The following SEPTIN8 variants were observed in gnomAD, a reference collection of about 807,000 sequenced individuals.
The protein encoded by SEPTIN8 is septin 8.
SEPTIN8 carries 22 observed loss-of-function variants against 53.1 expected under a neutral mutation model. That is an observed-to-expected ratio of 0.41 (90% confidence interval 0.30 to 0.59). SEPTIN8 has a LOEUF of 0.59. Ranked by LOEUF, SEPTIN8 falls within the 20% of genes least tolerant of loss-of-function variation. The pLI is 0.24. For synonymous variants in SEPTIN8, 228 were observed against 248.4 expected, an observed-to-expected ratio of 0.92 and a Z score of 0.77; for missense variants, 536 against 638.7, an observed-to-expected ratio of 0.84 and a Z score of 1.73.
chr5:132,776,940 C>G lies in SEPTIN8; in HGVS notation c.30+168G>C, dbSNP rs866893746. Among the ~76,000 whole-genome samples the G allele has an allele frequency of 6.6e-6, 1 of 152,080 alleles. No homozygotes were observed. The highest frequency in any genetic ancestry group is 1.5e-5 in the Non-Finnish European group (1 of 67,982). On this transcript the variant is annotated intron_variant, in intron 1 of 9. Transcript: ENST00000378719. This position sits in a 1 kb window ranked among gnomAD's most constrained non-coding sequence, Gnocchi z 4.4. Reference sequence around the variant, plus strand: ...GGCAGGCCGCCCGACGCTCCGGGACCCCCCGATAGCGCGGCCGAGAGCCCG... The same window carrying G: ...GGCAGGCCGCCCGACGCTCCGGGACGCCCCGATAGCGCGGCCGAGAGCCCG...
intron 4 of SEPTIN8, 127 bp downstream of exon 4, chr5:132,763,579 T>C (rs890734375): frequency 2.4e-6 from 2 of 816,358 alleles, no homozygotes; most frequent in Non-Finnish European, 4.0e-6. Context: ...ACCGAGCCAA[T>C]GGGGGGCCAC....
In SEPTIN8 at chr5:132,758,337, A is replaced by C. The variant is rs570064454; in HGVS notation, c.1286+2465T>G. ...TATTTAGAAGTGTTTTAAAGTTATTAAAATTAAGCTGTAGGTTAGAAAAAT... is the reference window on the plus strand; with the variant it reads ...TATTTAGAAGTGTTTTAAAGTTATTCAAATTAAGCTGTAGGTTAGAAAAAT... On this transcript the variant is annotated intron_variant, in intron 9 of 9. Transcript: ENST00000378719. 2.3e-5 allele frequency: 32 copies of C among 1,392,108 alleles called. No individual in the cohort carries two copies. The South Asian group carries it at 5.9e-4, about 26-fold the overall frequency. 86.2% of individuals were successfully genotyped at this position (1,392,108 alleles called of 1,614,324 possible). A position where few individuals can be genotyped will look rare whatever the true frequency, so the allele number is the denominator to read the frequency against.
In SEPTIN8 at chr5:132,758,706, G is replaced by A. The variant is rs1019272806; in HGVS notation, c.1286+2096C>T. 56 of 1,606,322 alleles carry A rather than the reference G, an allele frequency of 3.5e-5. No individual in the cohort carries two copies. In the East Asian group the frequency reaches 6.5e-4, roughly 19 times the overall value. ...GGCTGTAAACACTGGAGTCTGTACC[G>A]GCTCCCAGTCCGTCCTCACACCATG... On this transcript the variant is annotated intron_variant, in intron 9 of 9. Transcript: ENST00000378719.
At chr5:132,772,960 T>C (rs992790095) in intron 1 of SEPTIN8, among the ~76,000 whole-genome samples, 1 of 152,146 alleles carries the variant, frequency 6.6e-6, no homozygotes. Flanking sequence ...CCCTCTAATC[T>C]GACCTCTAGG....
Position 132,758,589 on chromosome 5 carries a change from C to T in SEPTIN8, c.1286+2213G>A, listed in dbSNP as rs761025294. ...AAATAAACCTCGTCAGTTTTGGATT[C>T]CAGCATTCATGGCTTTTACGTGTTT... On this transcript the variant is annotated intron_variant, in intron 9 of 9. Transcript: ENST00000378719. 1.2e-5 allele frequency: 19 copies of T among 1,608,802 alleles called. No homozygotes were observed. In the East Asian group the frequency reaches 1.8e-4, roughly 15 times the overall value.
At chr5:132,753,186 G>GA in intron 9 of SEPTIN8, 1 of 542,890 alleles carries the variant, frequency 1.8e-6, no homozygotes, top group South Asian at 2.7e-5. Flanking sequence ...TGGTCTGATA[G>GA]ACTATGACCC....
In SEPTIN8 at chr5:132,764,333, A is replaced by G. The variant is rs777214735; in HGVS notation, c.238T>C (p.Cys80Arg). 1.2e-6 allele frequency: 2 copies of G among 1,614,008 alleles called. No homozygotes were observed. The highest frequency in any genetic ancestry group is 1.7e-6 in the Non-Finnish European group (2 of 1,179,990). The change falls in exon 3 of 10, where the codon TGC becomes CGC. Residue 80 changes from cysteine to arginine, a missense_variant. Cys to Arg is a radical substitution (Grantham distance 180, BLOSUM62 -3). Transcript: ENST00000378719. ...TAGGTCTGGGGCCGCAGGCGCACGC[A>G]TGCCTCATGGTGACTGGCTTCCTCA... ...ETEEASHHEA[C>R]VRLRPQTYDL...
chr5:132,761,114 C>A lies in SEPTIN8; in HGVS notation c.1095+19G>T. 1 of 1,613,880 alleles carries A rather than the reference C, an allele frequency of 6.2e-7. No individual in the cohort carries two copies. Among genetic ancestry groups the A allele is most frequent in the Non-Finnish European group, 8.5e-7 (1 of 1,179,840 alleles). ...CCCTCCCTCAGCTTCCCCATCCCAG[C>A]CCCCAGCCTGGCACATACCTCCCTT... On this transcript the variant is annotated intron_variant, in intron 8 of 9. Coordinates refer to ENST00000378719, the MANE Select transcript of SEPTIN8 (RefSeq NM_001098811.2). This position sits in a 1 kb window ranked among gnomAD's most constrained non-coding sequence, Gnocchi z 5.8.
chr5:132,767,819 C>T (rs1395016689), intron 1 of SEPTIN8, among the ~76,000 whole-genome samples: 4 of 152,068 alleles, frequency 2.6e-5, no homozygotes, highest in Non-Finnish European at 5.9e-5. Context: ...TTAAGGCGTG[C>T]TGTGCTTGCA....
At chr5:132,777,276 G>A, upstream of SEPTIN8, 1 of 1,099,742 alleles carries the variant, frequency 9.1e-7, no homozygotes, top group Non-Finnish European at 1.1e-6. This position sits in a 1 kb window ranked among gnomAD's most constrained non-coding sequence, Gnocchi z 4.1. Flanking sequence ...ACTCCCCTTG[G>A]CGGCGGCGGC....
At chr5:132,763,928 T>C in intron 3 of SEPTIN8, 36 bp from the exon 4 acceptor site, 1 of 1,524,970 alleles carries the variant, frequency 6.6e-7, no homozygotes, top group Non-Finnish European at 8.8e-7. Flanking sequence ...GGCTGCCAGC[T>C]GAGATCAGGG....
intron 9 of SEPTIN8, among the ~76,000 whole-genome samples, chr5:132,755,137 G>C (rs922924769): frequency 6.6e-6 from 1 of 152,136 alleles, no homozygotes; most frequent in East Asian, 1.9e-4. Flanking sequence ...AAGTAGAGCT[G>C]AGCTATGCCT....
intron 1 of SEPTIN8, among the ~76,000 whole-genome samples, chr5:132,768,745 A>T (rs1756887289): frequency 6.6e-6 from 1 of 152,174 alleles, no homozygotes. Flanking sequence ...AGCCTTTATG[A>T]CCATCTTGAG....
chr5:132,751,867 A>G lies in SEPTIN8; in HGVS notation c.*149T>C. The G allele has an allele frequency of 7.3e-7, 1 of 1,377,330 alleles. No homozygotes were observed. Among genetic ancestry groups the G allele is most frequent in the South Asian group, 1.3e-5 (1 of 76,378 alleles). 85.3% of individuals were successfully genotyped at this position (1,377,330 alleles called of 1,614,324 possible). ...AATGAAAAGGGTTGGGCAACATTTG[A>G]TGTTCCCTGATGGAAATTTAAATTG... On this transcript the variant is annotated 3_prime_UTR_variant, in exon 10 of 10. Coordinates refer to ENST00000378719, the MANE Select transcript of SEPTIN8 (RefSeq NM_001098811.2).
intron 1 of SEPTIN8, among the ~76,000 whole-genome samples, chr5:132,765,944 C>T (rs1303282069): frequency 2.0e-5 from 3 of 152,190 alleles, no homozygotes; most frequent in East Asian, 3.9e-4. Context: ...CTCTAGGAGA[C>T]GGGGGATGCT....
rs187442650 is a variant in SEPTIN8, at chr5:132,776,699, C to T, written c.30+409G>A. ...TCCATCCTCCCCGGCTGTACCTATC[C>T]CGCAGCACCTGTGCGGCTAGGACTC... On this transcript the variant is annotated intron_variant, in intron 1 of 9. Transcript: ENST00000378719. The surrounding 1 kb of genome is among the most constrained non-coding windows in gnomAD (Gnocchi z 4.4). 2.9e-3 allele frequency among the ~76,000 whole-genome samples: 439 copies of T among 152,320 alleles called. 1 individual carries two copies. The highest frequency in any genetic ancestry group is 9.9e-3 in the African/African-American group (412 of 41,572).
At chr5:132,767,454 C>A (rs1756719096) in intron 1 of SEPTIN8, among the ~76,000 whole-genome samples, 1 of 152,174 alleles carries the variant, frequency 6.6e-6, no homozygotes, top group Non-Finnish European at 1.5e-5. Context: ...ACGTTCCAGA[C>A]CCCTCACTTG....
In SEPTIN8 at chr5:132,761,128, CA is replaced by C. The variant is rs1581154687; in HGVS notation, c.1095+4del. 3.1e-6 allele frequency: 5 copies of C among 1,614,230 alleles called. No individual in the cohort carries two copies. The East Asian group carries it at 1.1e-4, about 36-fold the overall frequency. ...CCCCATCCCAGCCCCCAGCCTGGCA[CA>C]TACCTCCCTTTCCTTCTCCTTCAGC... On this transcript the variant is annotated splice_donor_region_variant and intron_variant, in intron 8 of 9. Transcript: ENST00000378719. The surrounding 1 kb of genome is among the most constrained non-coding windows in gnomAD (Gnocchi z 5.8).
rs915934393 is a variant in SEPTIN8, at chr5:132,761,367, A to G, written c.962+91T>C. On this transcript the variant is annotated intron_variant, in intron 7 of 9. Coordinates refer to ENST00000378719, the MANE Select transcript of SEPTIN8 (RefSeq NM_001098811.2). This position sits in a 1 kb window ranked among gnomAD's most constrained non-coding sequence, Gnocchi z 5.8. ...TAGAATCATGTGGGCACGAGGGGTAAGAGGATGTGGGGTCCCTCAGGGAAC... is the reference window on the plus strand; with the variant it reads ...TAGAATCATGTGGGCACGAGGGGTAGGAGGATGTGGGGTCCCTCAGGGAAC... 3 of 1,589,996 alleles carry G rather than the reference A, an allele frequency of 1.9e-6. No homozygotes were observed. Among genetic ancestry groups the G allele is most frequent in the Admixed American group, 1.7e-5 (1 of 59,228 alleles).
Sources: gnomAD v4.1 joint callset for allele counts (sites outside exome capture counted in the v4.1 genomes callset) on GRCh38, gnomAD v4.1.1 for gene constraint, Gnocchi (gnomAD v3.1) non-coding constraint, MANE v1.5 for transcripts, NCBI Gene and HGNC (gene_info 2026-07-23, HGNC 2026-07-21) for gene names.